The following VPS41 variants were observed in gnomAD, a reference collection of about 807,000 sequenced individuals.
VPS41 encodes the protein vacuolar protein sorting-associated protein 41 homolog.
Under a neutral mutation model 130.9 loss-of-function variants are expected in VPS41, and 85 were observed. The observed-to-expected ratio is 0.65, with a 90% CI of 0.55 to 0.78. The LOEUF (loss-of-function observed/expected upper bound fraction) is 0.78. Among genes scored for constraint, VPS41 ranks in the 30% least tolerant of loss-of-function variants. The pLI, the probability that VPS41 is intolerant of heterozygous loss-of-function variation, is 0.00. For synonymous variants in VPS41, 335 were observed against 332.9 expected (o/e 1.01, Z -0.07); for missense variants, 874 against 1,018.7 (o/e 0.86, Z 1.93).
intron 17 of VPS41, 149 bp downstream of exon 17, chr7:38,763,306 T>C: frequency 2.1e-6 from 1 of 474,188 alleles, no homozygotes; most frequent in South Asian, 5.1e-5. Context: ...ACATGAGTTA[T>C]ACTGGAGTTT....
chr7:38,897,639 C>T (rs1039841775), intron 2 of VPS41, among the ~76,000 whole-genome samples: 16 of 95,682 alleles, frequency 1.7e-4, no homozygotes, highest in African/African-American at 3.6e-4. Context: ...AGCGAGACTC[C>T]GTCTCAAAAA....
intron 4 of VPS41, among the ~76,000 whole-genome samples, chr7:38,859,277 T>G (rs1231223082): frequency 6.6e-6 from 1 of 152,192 alleles, no homozygotes; most frequent in Non-Finnish European, 1.5e-5. Context: ...AAGCTAAGGC[T>G]AATGTATTAG....
chr7:38,859,668 T>C (rs1055448145), intron 4 of VPS41, among the ~76,000 whole-genome samples: 3 of 152,150 alleles, frequency 2.0e-5, no homozygotes, highest in Admixed American at 6.5e-5. Flanking sequence ...CCTAGGTCTG[T>C]GTAAGTAGAG....
intron 25 of VPS41, among the ~76,000 whole-genome samples, chr7:38,737,425 T>C (rs978544181): frequency 1.3e-5 from 2 of 152,128 alleles, no homozygotes; most frequent in Admixed American, 1.3e-4. Flanking sequence ...GTCTTGGTCA[T>C]AGATACAGAC....
At chr7:38,792,458 GTAT>G (rs1038734079) in intron 9 of VPS41, among the ~76,000 whole-genome samples, 1 of 152,264 alleles carries the variant, frequency 6.6e-6, no homozygotes, top group East Asian at 1.9e-4. Flanking sequence ...TCACCTTCCA[GTAT>G]GTTAGGTGAC....
At chr7:38,774,295 C>T (rs773384092) in intron 11 of VPS41, 51 bp from the exon 12 acceptor site, 2 of 1,478,618 alleles carry the variant, frequency 1.4e-6, no homozygotes, top group Middle Eastern at 1.8e-4. Context: ...TTCTATATAT[C>T]ATACAAATTA....
At chr7:38,865,237 G>A (rs1786203463) in intron 3 of VPS41, among the ~76,000 whole-genome samples, 1 of 152,154 alleles carries the variant, frequency 6.6e-6, no homozygotes, top group South Asian at 2.1e-4. Context: ...CACTCAACTG[G>A]ATCAGAATCC....
chr7:38,762,063 C>T (rs1783932641), intron 17 of VPS41, among the ~76,000 whole-genome samples: 1 of 152,082 alleles, frequency 6.6e-6, no homozygotes, highest in Non-Finnish European at 1.5e-5. Flanking sequence ...ACTTCGAACA[C>T]AAAATAAAGA....
chr7:38,859,318 T>A, intron 4 of VPS41, among the ~76,000 whole-genome samples: 1 of 152,074 alleles, frequency 6.6e-6, no homozygotes, highest in Non-Finnish European at 1.5e-5. Context: ...ATAAATTGAG[T>A]TTAGCCTAAG....
chr7:38,727,913 T>C (rs1333276824), intron 27 of VPS41, among the ~76,000 whole-genome samples: 2 of 152,176 alleles, frequency 1.3e-5, no homozygotes, highest in Non-Finnish European at 1.5e-5. Flanking sequence ...AAGACATATA[T>C]CTATCTGCCA....
intron 4 of VPS41, chr7:38,831,324 C>T (rs1464065851): frequency 5.6e-5 from 24 of 430,588 alleles, no homozygotes; most frequent in South Asian, 4.1e-4. Context: ...CCACATGCAG[C>T]CTTTAAAACT....
At chr7:38,843,542 C>T (rs895958833) in intron 4 of VPS41, among the ~76,000 whole-genome samples, 3 of 148,622 alleles carry the variant, frequency 2.0e-5, no homozygotes, top group South Asian at 4.2e-4. Context: ...ATTAGCCGGG[C>T]GCGGTGCTGG....
chr7:38,819,402 G>A (rs535397522), intron 6 of VPS41, among the ~76,000 whole-genome samples: 1 of 152,186 alleles, frequency 6.6e-6, no homozygotes, highest in Non-Finnish European at 1.5e-5. Flanking sequence ...AAACATGGTC[G>A]GCAAAAACCT....
At chr7:38,791,873 G>C (rs1195548310) in intron 9 of VPS41, among the ~76,000 whole-genome samples, 1 of 152,166 alleles carries the variant, frequency 6.6e-6, no homozygotes, top group Non-Finnish European at 1.5e-5. Context: ...GCACCAAAAA[G>C]ACTTGACAGG....
intron 11 of VPS41, 131 bp from the exon 12 acceptor site, chr7:38,774,375 T>C: frequency 1.3e-6 from 1 of 798,408 alleles, no homozygotes. Context: ...CTGGGTAATT[T>C]ATAAAGGAAA....
In VPS41 at chr7:38,803,321, T is replaced by C. The variant is rs1386481769; in HGVS notation, c.451-6457A>G. On this transcript the variant is annotated intron_variant, in intron 7 of 28. Coordinates refer to ENST00000310301, the MANE Select transcript of VPS41 (RefSeq NM_014396.4). ...TTTAATCACCTTGTGATCTTTCAAG[T>C]TGATAAATCACTTGGCTCCTTCAGG... is the stretch of plus-strand genomic sequence containing the variant. Among the ~76,000 whole-genome samples the C allele has an allele frequency of 2.6e-5, 4 of 152,226 alleles. No individual in the cohort carries two copies. In the East Asian group the frequency reaches 7.7e-4, roughly 29 times the overall value.
chr7:38,876,002 G>C (rs956499272), intron 2 of VPS41, among the ~76,000 whole-genome samples: 2 of 152,134 alleles, frequency 1.3e-5, no homozygotes, highest in Non-Finnish European at 2.9e-5. Flanking sequence ...AAATACATAC[G>C]GTTAAATGAG....
intron 25 of VPS41, among the ~76,000 whole-genome samples, chr7:38,731,727 A>T (rs1795666231): frequency 6.6e-6 from 1 of 152,100 alleles, no homozygotes; most frequent in Non-Finnish European, 1.5e-5. Context: ...GCTGCTCTTG[A>T]TCTGAGCACT....
At chr7:38,853,145 T>G (rs776559206) in intron 4 of VPS41, among the ~76,000 whole-genome samples, 5 of 151,906 alleles carry the variant, frequency 3.3e-5, no homozygotes, top group African/African-American at 4.8e-5. Context: ...TGTGGCCGGG[T>G]GCGGTGGCTC....
Sources: gnomAD v4.1 joint callset for allele counts (sites outside exome capture counted in the v4.1 genomes callset) on GRCh38, gnomAD v4.1.1 for gene constraint, MANE v1.5 for transcripts, NCBI Gene and HGNC (gene_info 2026-07-23, HGNC 2026-07-21) for gene names.